Variants in SIN3A observed in about 807,000 individuals in gnomAD.
The protein encoded by SIN3A is SIN3 transcription regulator family member A.
In SIN3A, 14 loss-of-function variants were observed where a neutral mutation model predicts 146.1. The ratio of observed to expected loss-of-function variants is 0.10; its 90% CI spans 0.06 to 0.15. The LOEUF (loss-of-function observed/expected upper bound fraction) is 0.15, where lower values mean the gene tolerates loss of function less well. Ranked by LOEUF, SIN3A falls within the 10% of genes least tolerant of loss-of-function variation. SIN3A has a pLI of 1.00. For synonymous variants in SIN3A, 572 were observed against 572.0 expected (o/e 1.00, Z 0.00); for missense variants, 1,028 against 1,576.0 (o/e 0.65, Z 5.89).
At chr15:75,408,472 A>G (rs1366120459) in intron 8 of SIN3A, among the ~76,000 whole-genome samples, 2 of 152,210 alleles carry the variant, frequency 1.3e-5, no homozygotes, top group Non-Finnish European at 2.9e-5. Context: ...AACTTTTGTC[A>G]TTATTTAATT....
At position 75,409,899 on chromosome 15, in the gene SIN3A, C is replaced by T. The variant is rs2073598408; in HGVS notation, c.1254G>A (p.Gln418=). Residue 418 remains glutamine, a synonymous_variant, in exon 8 of 21, where the codon CAG becomes CAA. Coordinates refer to ENST00000394947, the MANE Select transcript of SIN3A (RefSeq NM_001145358.2). ...TCTGGCAGCCATTCTGGCTGGGCCT[C>T]TGCGGCTTGTTGTTCAGTTGGGGCT... ...VKKPQLNNKP[Q]RPSQNGCQIR... 1 of 1,613,908 alleles carries T rather than the reference C, an allele frequency of 6.2e-7. No individual in the cohort carries two copies. Among genetic ancestry groups the T allele is most frequent in the Non-Finnish European group, 8.5e-7 (1 of 1,180,036 alleles).
At chr15:75,452,790 C>A (rs184013670), upstream of SIN3A, among the ~76,000 whole-genome samples, 1 of 152,316 alleles carries the variant, frequency 6.6e-6, no homozygotes, top group East Asian at 1.9e-4. Flanking sequence ...AAACAGGCCA[C>A]GGCATAAATT....
chr15:75,385,393 A>C (rs1178144848), intron 16 of SIN3A, among the ~76,000 whole-genome samples: 1 of 152,238 alleles, frequency 6.6e-6, no homozygotes, highest in East Asian at 1.9e-4. Flanking sequence ...TATAGGGCTT[A>C]AGTTGTACAT....
chr15:75,386,724 C>T (rs1311580409), intron 16 of SIN3A, among the ~76,000 whole-genome samples: 2 of 152,216 alleles, frequency 1.3e-5, no homozygotes, highest in Non-Finnish European at 2.9e-5. Flanking sequence ...CAGCCCAATC[C>T]TTCCATGGTG....
At chr15:75,375,382 G>A (rs1269823931) in intron 20 of SIN3A, among the ~76,000 whole-genome samples, 1 of 152,146 alleles carries the variant, frequency 6.6e-6, no homozygotes, top group Non-Finnish European at 1.5e-5. Context: ...CAGAAGCTAG[G>A]AGAGGCCTAG....
At chr15:75,422,589 A>G in intron 3 of SIN3A, 58 bp downstream of exon 3, 2 of 1,570,090 alleles carry the variant, frequency 1.3e-6, no homozygotes, top group Non-Finnish European at 1.8e-6. Flanking sequence ...ACAAGCTGCA[A>G]CCAGTATTTC....
intron 16 of SIN3A, among the ~76,000 whole-genome samples, chr15:75,384,755 G>A (rs1325159060): frequency 6.6e-6 from 1 of 152,120 alleles, no homozygotes; most frequent in East Asian, 1.9e-4. Flanking sequence ...TTTTCTATAG[G>A]TCATATCTTT....
chr15:75,437,653 A>C (rs1196651530), intron 1 of SIN3A, among the ~76,000 whole-genome samples: 2 of 152,222 alleles, frequency 1.3e-5, no homozygotes, highest in Non-Finnish European at 2.9e-5. Flanking sequence ...TAGAATATAA[A>C]GAAAGCCAAA....
intron 12 of SIN3A, among the ~76,000 whole-genome samples, chr15:75,399,672 T>C (rs2073375274): frequency 6.6e-6 from 1 of 152,220 alleles, no homozygotes; most frequent in Non-Finnish European, 1.5e-5. Context: ...TACACACAGA[T>C]CTTAAATAAT....
intron 1 of SIN3A, among the ~76,000 whole-genome samples, chr15:75,441,354 C>T (rs922369821): frequency 6.6e-6 from 1 of 152,118 alleles, no homozygotes; most frequent in African/African-American, 2.4e-5. Flanking sequence ...CTCTATTGCC[C>T]AGGCTAGAGT....
At chr15:75,373,819 G>GT (rs1207340750) in intron 20 of SIN3A, among the ~76,000 whole-genome samples, 1 of 151,874 alleles carries the variant, frequency 6.6e-6, no homozygotes, top group Non-Finnish European at 1.5e-5. Flanking sequence ...TACAAAATAT[G>GT]TTGTTTATCA....
intron 1 of SIN3A, among the ~76,000 whole-genome samples, chr15:75,431,995 T>G (rs1239484292): frequency 2.0e-5 from 3 of 152,192 alleles, no homozygotes; most frequent in African/African-American, 4.8e-5. Flanking sequence ...TCTCTCAGCT[T>G]TGTGTGTGAT....
Position 75,394,924 on chromosome 15 carries a change from A to T in SIN3A, c.2094-61T>A, listed in dbSNP as rs2073275136. 5.3e-6 allele frequency: 8 copies of T among 1,495,376 alleles called. No homozygotes were observed. In the Admixed American group the frequency reaches 8.4e-5, roughly 16 times the overall value. 92.6% of individuals were successfully genotyped at this position (1,495,376 alleles called of 1,614,324 possible). A position where few individuals can be genotyped will look rare whatever the true frequency, so the allele number is the denominator to read the frequency against. ...GAATTCAGAGGGTTTAGAAGAAAGA[A>T]ATTTGCCAGGCTTACTTTAGTTAAA... On this transcript the variant is annotated intron_variant, in intron 13 of 20. Transcript: ENST00000394947.
chr15:75,408,494 T>C (rs1296868386), intron 8 of SIN3A, among the ~76,000 whole-genome samples: 1 of 152,234 alleles, frequency 6.6e-6, no homozygotes, highest in African/African-American at 2.4e-5. Context: ...TGCAGACATA[T>C]CTGTCTCTTC....
intron 4 of SIN3A, 98 bp from the exon 5 acceptor site, chr15:75,413,143 C>CAAAAG: frequency 3.3e-6 from 4 of 1,227,652 alleles, no homozygotes; most frequent in Non-Finnish European, 4.5e-6. Flanking sequence ...GACGGAGTCT[C>CAAAAG]ACTCTGTTGC....
upstream of SIN3A, among the ~76,000 whole-genome samples, chr15:75,452,623 G>A (rs1210573767): frequency 6.6e-6 from 1 of 152,236 alleles, no homozygotes; most frequent in Non-Finnish European, 1.5e-5. Context: ...TGAATATGCA[G>A]TCCTAAGAGG....
chr15:75,396,586 T>G lies in SIN3A; in HGVS notation c.1855-90A>C, dbSNP rs1567341831. ...AGAAGAATAAGGTAGGGAGTCAAAC[T>G]CCTTGGATTTGAATCCTGGTTCTGC... On this transcript the variant is annotated intron_variant, in intron 12 of 20. Transcript: ENST00000394947. 7.5e-6 allele frequency: 7 copies of G among 929,730 alleles called. No individual in the cohort carries two copies. The East Asian group carries it at 1.7e-4, about 23-fold the overall frequency. The allele number at this position is 929,730 out of a possible 1,614,324, so 57.6% of individuals were successfully genotyped here. A position where few individuals can be genotyped will look rare whatever the true frequency, so the allele number is the denominator to read the frequency against.
intron 1 of SIN3A, among the ~76,000 whole-genome samples, chr15:75,441,468 A>T (rs2074210050): frequency 6.6e-6 from 1 of 151,816 alleles, no homozygotes; most frequent in African/African-American, 2.4e-5. Context: ...TAAGAAAAAA[A>T]TTTTTTTTAG....
intron 1 of SIN3A, among the ~76,000 whole-genome samples, chr15:75,442,873 G>A (rs189821301): frequency 1.3e-5 from 2 of 150,640 alleles, no homozygotes; most frequent in Non-Finnish European, 3.0e-5. Context: ...CGGAGGTTGC[G>A]GTGAGCCGAG....
Sources: gnomAD v4.1 joint callset for allele counts (sites outside exome capture counted in the v4.1 genomes callset) on GRCh38, gnomAD v4.1.1 for gene constraint, MANE v1.5 for transcripts, NCBI Gene and HGNC (gene_info 2026-07-23, HGNC 2026-07-21) for gene names.